The following LRMDA variants were observed in gnomAD, a reference collection of about 807,000 sequenced individuals.
LRMDA encodes leucine rich melanocyte differentiation associated.
LRMDA carries 18 observed loss-of-function variants against 29.8 expected under a neutral mutation model. The ratio of observed to expected loss-of-function variants is 0.60; its 90% CI spans 0.42 to 0.90. LRMDA has a LOEUF of 0.90. LRMDA is among the 40% of genes least tolerant of loss of function. LRMDA has a pLI of 0.00. For synonymous variants in LRMDA, 125 were observed against 109.4 expected (o/e 1.14, Z -0.89); for missense variants, 273 against 273.9 (o/e 1.00, Z 0.02).
chr10:75,953,140 A>G (rs986298476), intron 2 of LRMDA, among the ~76,000 whole-genome samples: 7 of 151,120 alleles, frequency 4.6e-5, no homozygotes, highest in Admixed American at 4.6e-4. Context: ...GGGTGTGATC[A>G]TGGCTCACTG....
At chr10:76,108,496 A>G (rs753298849) in intron 5 of LRMDA, among the ~76,000 whole-genome samples, 1 of 152,184 alleles carries the variant, frequency 6.6e-6, no homozygotes, top group Non-Finnish European at 1.5e-5. Flanking sequence ...GTATGTGTGT[A>G]TATACGTGCA....
At chr10:75,806,128 C>T (rs1255221538) in intron 2 of LRMDA, among the ~76,000 whole-genome samples, 3 of 152,152 alleles carry the variant, frequency 2.0e-5, no homozygotes, top group Non-Finnish European at 4.4e-5. Context: ...CTTAAACCAC[C>T]TGATCTCATG....
intron 2 of LRMDA, among the ~76,000 whole-genome samples, chr10:75,871,185 C>T (rs1845103017): frequency 6.6e-6 from 1 of 152,174 alleles, no homozygotes; most frequent in South Asian, 2.1e-4. Flanking sequence ...ACTTTAGGGG[C>T]CCCCATTACA....
intron 6 of LRMDA, among the ~76,000 whole-genome samples, chr10:76,527,128 C>G (rs1375947251): frequency 1.3e-5 from 2 of 149,794 alleles, no homozygotes; most frequent in Non-Finnish European, 3.0e-5. Flanking sequence ...GGTCTTCTCT[C>G]TAATGCCATG....
At chr10:76,122,684 C>T (rs1326477465) in intron 5 of LRMDA, among the ~76,000 whole-genome samples, 3 of 152,246 alleles carry the variant, frequency 2.0e-5, no homozygotes, top group South Asian at 2.1e-4. Flanking sequence ...AATGCAAAGC[C>T]GGCCTCTTTC....
At chr10:75,886,372 T>C (rs1292350754) in intron 2 of LRMDA, among the ~76,000 whole-genome samples, 2 of 152,178 alleles carry the variant, frequency 1.3e-5, no homozygotes, top group African/African-American at 4.8e-5. Flanking sequence ...TCCTGTATGG[T>C]AGGACCACAA....
chr10:76,459,646 C>G (rs1842492214), intron 6 of LRMDA, among the ~76,000 whole-genome samples: 1 of 152,164 alleles, frequency 6.6e-6, no homozygotes. Context: ...GTAAATGCTT[C>G]CTACCAATGT....
intron 2 of LRMDA, among the ~76,000 whole-genome samples, chr10:75,484,020 ACCATGG>A (rs1284672045): frequency 6.6e-6 from 1 of 152,098 alleles, no homozygotes; most frequent in Non-Finnish European, 1.5e-5. Flanking sequence ...CAGTGGCTTG[ACCATGG>A]CTCGCTGCAA....
At chr10:76,339,297 G>A (rs1451946407) in intron 6 of LRMDA, among the ~76,000 whole-genome samples, 1 of 149,408 alleles carries the variant, frequency 6.7e-6, no homozygotes, top group Non-Finnish European at 1.5e-5. Context: ...AGTAAAAGAG[G>A]TAAGAAAAAG....
At chr10:75,887,084 A>G (rs1845403459) in intron 2 of LRMDA, among the ~76,000 whole-genome samples, 1 of 151,820 alleles carries the variant, frequency 6.6e-6, no homozygotes, top group Admixed American at 6.6e-5. Context: ...AAAACTTGGT[A>G]TCTGAAATTA....
intron 2 of LRMDA, among the ~76,000 whole-genome samples, chr10:75,763,733 G>A (rs1843126453): frequency 6.6e-6 from 1 of 151,236 alleles, no homozygotes; most frequent in Non-Finnish European, 1.5e-5. Flanking sequence ...TTGGGGAGGT[G>A]GGAAGGGGAG....
intron 2 of LRMDA, among the ~76,000 whole-genome samples, chr10:75,855,444 A>G (rs983547274): frequency 6.6e-6 from 1 of 152,014 alleles, no homozygotes; most frequent in African/African-American, 2.4e-5. Context: ...GTTGGAGTTC[A>G]TTGTAGATCC....
chr10:75,608,081 G>A (rs938405294), intron 2 of LRMDA, among the ~76,000 whole-genome samples: 1 of 126,234 alleles, frequency 7.9e-6, no homozygotes, highest in African/African-American at 2.7e-5. Flanking sequence ...GTCCATTGAT[G>A]GATGACTGGA....
intron 6 of LRMDA, among the ~76,000 whole-genome samples, chr10:76,523,391 G>T (rs1564566297): frequency 6.6e-6 from 1 of 152,094 alleles, no homozygotes; most frequent in Non-Finnish European, 1.5e-5. Flanking sequence ...AAGCCAGATG[G>T]CTTACCTCTT....
chr10:75,767,019 A>G (rs1429245489), intron 2 of LRMDA, among the ~76,000 whole-genome samples: 2 of 152,178 alleles, frequency 1.3e-5, no homozygotes, highest in African/African-American at 4.8e-5. Context: ...TATATGTACC[A>G]CGTTTTCTTT....
At chr10:76,189,600 G>T (rs949455897) in intron 5 of LRMDA, among the ~76,000 whole-genome samples, 2 of 152,208 alleles carry the variant, frequency 1.3e-5, no homozygotes, top group Admixed American at 6.5e-5. Context: ...TTGACACTGA[G>T]AACTACATTG....
chr10:76,204,055 T>A (rs1851486964), intron 5 of LRMDA, among the ~76,000 whole-genome samples: 1 of 145,064 alleles, frequency 6.9e-6, no homozygotes, highest in Non-Finnish European at 1.5e-5. Context: ...CATGTGCCTG[T>A]CCACCCGTCT....
intron 6 of LRMDA, among the ~76,000 whole-genome samples, chr10:76,376,755 A>T (rs1241908004): frequency 6.6e-6 from 1 of 150,444 alleles, no homozygotes; most frequent in Non-Finnish European, 1.5e-5. Context: ...TTTTAATAAT[A>T]GCCATTCTGA....
intron 6 of LRMDA, among the ~76,000 whole-genome samples, chr10:76,434,954 A>G (rs905367351): frequency 2.0e-5 from 3 of 152,198 alleles, no homozygotes; most frequent in African/African-American, 7.2e-5. Context: ...TTGGGTTTAC[A>G]GAGGTAATTA....
Sources: allele counts gnomAD v4.1 joint callset (sites outside exome capture counted in the v4.1 genomes callset), GRCh38; gene constraint gnomAD v4.1.1; transcripts MANE v1.5; gene names NCBI Gene and HGNC (gene_info 2026-07-23, HGNC 2026-07-21).